Variants in GNG7 observed in about 807,000 individuals in gnomAD.
The protein encoded by GNG7 is G protein subunit gamma 7, also known as guanine nucleotide-binding protein G(I)/G(S)/G(O) subunit gamma-7.
In GNG7, 1 loss-of-function variant was observed where a neutral mutation model predicts 4.0. That is an observed-to-expected ratio of 0.25 (90% CI 0.09 to 1.18). The LOEUF is 1.18. Ranked by LOEUF, GNG7 falls within the 50% of genes most tolerant of loss-of-function variation. The pLI, the probability that GNG7 is intolerant of heterozygous loss-of-function variation, is 0.50. For synonymous variants in GNG7, 34 were observed against 36.9 expected (o/e 0.92, Z 0.29); for missense variants, 86 against 91.9 (o/e 0.94, Z 0.26).
chr19:2,527,823 C>T (rs973273832), intron 3 of GNG7, among the ~76,000 whole-genome samples: 13 of 151,300 alleles, frequency 8.6e-5, no homozygotes, highest in Non-Finnish European at 1.6e-4. Context: ...ACAAATGTCC[C>T]CAGACTTGGA....
At chr19:2,564,442 A>G (rs1387481832) in intron 2 of GNG7, among the ~76,000 whole-genome samples, 1 of 152,130 alleles carries the variant, frequency 6.6e-6, no homozygotes, top group Non-Finnish European at 1.5e-5. Context: ...TTAGCCAGGC[A>G]TGGTGGCGTG....
intron 2 of GNG7, among the ~76,000 whole-genome samples, chr19:2,645,622 G>A (rs536325636): frequency 3.9e-5 from 6 of 152,110 alleles, no homozygotes; most frequent in South Asian, 2.1e-4. Context: ...CCCGACCATC[G>A]GGTCCATTTC....
At chr19:2,678,447 C>T (rs1007177146) in intron 1 of GNG7, among the ~76,000 whole-genome samples, 18 of 152,282 alleles carry the variant, frequency 1.2e-4, no homozygotes, top group Non-Finnish European at 2.5e-4. Context: ...AGAGGAAAAG[C>T]CACGGAATGC....
intron 2 of GNG7, among the ~76,000 whole-genome samples, chr19:2,621,578 TC>T (rs1383380707): frequency 3.3e-5 from 5 of 151,798 alleles, no homozygotes; most frequent in Non-Finnish European, 7.4e-5. Context: ...GCGCCTGTAA[TC>T]CCAGCTACTC....
At chr19:2,697,149 T>C (rs1398958329) in intron 1 of GNG7, among the ~76,000 whole-genome samples, 2 of 152,234 alleles carry the variant, frequency 1.3e-5, no homozygotes, top group African/African-American at 4.8e-5. Context: ...ATAGGGATGT[T>C]TGCACAGCTG....
intron 1 of GNG7, among the ~76,000 whole-genome samples, chr19:2,659,680 G>T (rs776003372): frequency 2.8e-5 from 4 of 141,742 alleles, no homozygotes; most frequent in Non-Finnish European, 6.1e-5. Flanking sequence ...AAGGGTGGGA[G>T]AGAGAGGAAA....
At chr19:2,523,323 G>A (rs988817233) in intron 3 of GNG7, among the ~76,000 whole-genome samples, 5 of 151,802 alleles carry the variant, frequency 3.3e-5, no homozygotes, top group African/African-American at 7.3e-5. Context: ...AGGCTGAGAT[G>A]CGAGGATCAC....
At chr19:2,680,298 C>T (rs909687873) in intron 1 of GNG7, among the ~76,000 whole-genome samples, 1 of 151,648 alleles carries the variant, frequency 6.6e-6, no homozygotes, top group African/African-American at 2.4e-5. Context: ...AACAGGCACC[C>T]GCCACCATGC....
chr19:2,629,735 C>G (rs551096675), intron 2 of GNG7, among the ~76,000 whole-genome samples: 1 of 152,172 alleles, frequency 6.6e-6, no homozygotes, highest in Admixed American at 6.5e-5. Flanking sequence ...GGTTGTACTC[C>G]CGCCTCCCTC....
At chr19:2,549,843 G>C (rs1425594086) in intron 3 of GNG7, among the ~76,000 whole-genome samples, 2 of 152,210 alleles carry the variant, frequency 1.3e-5, no homozygotes, top group African/African-American at 4.8e-5. Flanking sequence ...CCTTGTGACA[G>C]TGAGTTCGTC....
At chr19:2,577,700 C>CA (rs58623953) in intron 2 of GNG7, among the ~76,000 whole-genome samples, 2,273 of 108,264 alleles carry the variant, frequency 0.021, 27 homozygotes, top group Non-Finnish European at 0.027. Flanking sequence ...GATTCCATCT[C>CA]AAAAAAAAAA....
intron 2 of GNG7, among the ~76,000 whole-genome samples, chr19:2,639,791 A>T: frequency 7.0e-4 from 1 of 1,432 alleles, no homozygotes; most frequent in South Asian, 0.036. Context: ...GGAGGGAAGG[A>T]GAGGGTAAGG....
intron 2 of GNG7, among the ~76,000 whole-genome samples, chr19:2,625,128 G>A (rs1028278868): frequency 2.0e-5 from 3 of 152,194 alleles, no homozygotes; most frequent in African/African-American, 4.8e-5. Flanking sequence ...GAGTGCAGTG[G>A]TGCGATCTCA....
Position 2,520,692 on chromosome 19 carries a change from C to T in GNG7, c.-4G>A. On this transcript the variant is annotated 5_prime_UTR_variant, in exon 4 of 5. Transcript: ENST00000382159. ...CTATGTTGTTAGTGGCTGACATTGTCTGCCATCAGCTCTGGGCCCCGTTGT... is the reference window on the plus strand; with the variant it reads ...CTATGTTGTTAGTGGCTGACATTGTTTGCCATCAGCTCTGGGCCCCGTTGT... 1 of 1,524,230 alleles carries T rather than the reference C, an allele frequency of 6.6e-7. No homozygotes were observed. Among genetic ancestry groups the T allele is most frequent in the Non-Finnish European group, 8.9e-7 (1 of 1,121,822 alleles). 94.4% of individuals were successfully genotyped at this position (1,524,230 alleles called of 1,614,324 possible). A position where few individuals can be genotyped will look rare whatever the true frequency, so the allele number is the denominator to read the frequency against.
chr19:2,618,033 T>C lies in GNG7; in HGVS notation c.-78+28191A>G, dbSNP rs1412196948. ...TTCCTTATCTTCTAAGACCCTCTGT[T>C]TGGTTTGCCAGTGTGTCTGGGCATG... is the stretch of plus-strand genomic sequence containing the variant. On this transcript the variant is annotated intron_variant, in intron 2 of 4. Transcript: ENST00000382159. This position sits in a 1 kb window ranked among gnomAD's most constrained non-coding sequence, Gnocchi z 5.1. Among the ~76,000 whole-genome samples the C allele has an allele frequency of 2.0e-5, 3 of 152,200 alleles. No individual in the cohort carries two copies. The East Asian group carries it at 5.8e-4, about 30-fold the overall frequency.
At chr19:2,533,209 T>C (rs1233345808) in intron 3 of GNG7, among the ~76,000 whole-genome samples, 1 of 148,914 alleles carries the variant, frequency 6.7e-6, no homozygotes, top group African/African-American at 2.4e-5. Flanking sequence ...CAATATTAAA[T>C]ATTAGTATTT....
chr19:2,702,174 C>A, intron 1 of GNG7, among the ~76,000 whole-genome samples: 1 of 149,692 alleles, frequency 6.7e-6, no homozygotes, highest in African/African-American at 2.5e-5. Flanking sequence ...GTCTCACCCC[C>A]AGCCCCCTCC....
In GNG7 at chr19:2,622,240, C is replaced by G. The variant is rs1019693297; in HGVS notation, c.-78+23984G>C. The stretch of plus-strand genomic sequence containing the variant: ...GACTACAGGCGCCCGCCACCACACC[C>G]GGCTAATTTTTTGTATTTTCAGTAG... On this transcript the variant is annotated intron_variant, in intron 2 of 4. Coordinates refer to ENST00000382159, the MANE Select transcript of GNG7 (RefSeq NM_052847.3). 1.2e-4 allele frequency among the ~76,000 whole-genome samples: 18 copies of G among 152,210 alleles called. 2 individuals carry two copies. The South Asian group carries it at 2.7e-3, about 23-fold the overall frequency.
chr19:2,539,477 G>A (rs1264884492), intron 3 of GNG7, among the ~76,000 whole-genome samples: 4 of 151,940 alleles, frequency 2.6e-5, no homozygotes, highest in African/African-American at 9.7e-5. Context: ...GCTAATTTTT[G>A]TATTTTTAGT....
Sources: gnomAD v4.1 joint callset for allele counts (sites outside exome capture counted in the v4.1 genomes callset) on GRCh38, gnomAD v4.1.1 for gene constraint, Gnocchi (gnomAD v3.1) non-coding constraint, MANE v1.5 for transcripts, NCBI Gene and HGNC (gene_info 2026-07-23, HGNC 2026-07-21) for gene names.